Variants in OR6N2 observed in about 807,000 individuals in gnomAD.
The protein encoded by OR6N2 is olfactory receptor family 6 subfamily N member 2, also known as olfactory receptor 6N2.
For synonymous variants in OR6N2, 160 were observed against 138.3 expected (o/e 1.16, Z -1.10); for missense variants, 399 against 379.7 (o/e 1.05, Z -0.42).
rs1657623942 is a variant in OR6N2, at chr1:158,777,252, C to T, written c.384G>A (p.Arg128=). Residue 128 remains arginine, a synonymous_variant, in exon 2 of 2, where the codon CGG becomes CGA. Coordinates refer to ENST00000641131, the MANE Select transcript of OR6N2 (RefSeq NM_001005278.2). ...MAYDRYLAIC[R]PLHYPIIMTT... ...TCATAATTATAGGGTAGTGGAGGGG[C>T]CGACAAATGGCCAGGTATCTATCAT... The T allele has an allele frequency of 1.2e-6, 2 of 1,613,898 alleles. No individual in the cohort carries two copies. Among genetic ancestry groups the T allele is most frequent in the African/African-American group, 1.3e-5 (1 of 74,884 alleles).
At position 158,774,523 on chromosome 1, in the gene OR6N2, A is replaced by C. The variant is rs538935497; in HGVS notation, c.*2159T>G. On this transcript the variant is annotated 3_prime_UTR_variant, in exon 2 of 2. Transcript: ENST00000641131. ...ACATTGTACCACAGCGGAGGGACCC[A>C]AAAAGCACTAGTCTTTGGAAAACAG... The C allele has an allele frequency of 3.3e-5, 5 of 152,356 alleles. No homozygotes were observed. Among genetic ancestry groups the C allele is most frequent in the African/African-American group, 1.2e-4 (5 of 41,570 alleles). The allele number at this position is 152,356 out of a possible 1,614,324, so 9.4% of individuals were successfully genotyped here.
intron 1 of OR6N2, among the ~76,000 whole-genome samples, chr1:158,777,918 A>G (rs974581918): frequency 2.6e-5 from 4 of 152,216 alleles, no homozygotes; most frequent in Non-Finnish European, 4.4e-5. Flanking sequence ...TGCAAATAAG[A>G]AAACTTGGGA....
Position 158,775,887 on chromosome 1 carries a change from T to C in OR6N2, c.*795A>G, listed in dbSNP as rs1657580238. 6.6e-6 allele frequency: 1 copy of C among 152,150 alleles called. No individual in the cohort carries two copies. The highest frequency in any genetic ancestry group is 2.4e-5 in the African/African-American group (1 of 41,434). 9.4% of individuals were successfully genotyped at this position (152,150 alleles called of 1,614,324 possible). A position where few individuals can be genotyped will look rare whatever the true frequency, so the allele number is the denominator to read the frequency against. On this transcript the variant is annotated 3_prime_UTR_variant, in exon 2 of 2. Coordinates refer to ENST00000641131, the MANE Select transcript of OR6N2 (RefSeq NM_001005278.2). ...ATGGTTAGAAATTTTAAGAAATCAA[T>C]TTTGACATGTTAAGTTTTAAATTAT...
chr1:158,779,033 G>A (rs202162996), intron 1 of OR6N2, among the ~76,000 whole-genome samples: 5,723 of 79,702 alleles, frequency 0.072, 351 homozygotes, highest in East Asian at 0.2. Flanking sequence ...AAAAAAAAAA[G>A]AATGCAGATT....
chr1:158,777,267 G>GT lies in OR6N2; in HGVS notation c.368dup (p.Tyr123Ter). 4 of 1,614,044 alleles carry GT rather than the reference G, an allele frequency of 2.5e-6. No individual in the cohort carries two copies. Among genetic ancestry groups the GT allele is most frequent in the Non-Finnish European group, 3.4e-6 (4 of 1,179,940 alleles). Residue 123 changes from tyrosine (Y) to a stop codon, truncating the protein, a stop_gained and frameshift_variant, in exon 2 of 2, where the codon TAC becomes TAAC. Transcript: ENST00000641131. LOFTEE classifies it low-confidence loss of function (END_TRUNC). Reference sequence around the variant, plus strand: ...AGTGGAGGGGCCGACAAATGGCCAGGTATCTATCATAGGCCATGGCTGTAA... The same window carrying GT: ...AGTGGAGGGGCCGACAAATGGCCAGGTTATCTATCATAGGCCATGGCTGTAA... ...YLLTAMAYDR[Y>*]LAICRPLHYP... is the part of the protein sequence containing the mutation.
At position 158,776,630 on chromosome 1, in the gene OR6N2, A is replaced by C; in HGVS notation, c.*52T>G. The C allele has an allele frequency of 1.9e-6, 2 of 1,074,890 alleles. No individual in the cohort carries two copies. Among genetic ancestry groups the C allele is most frequent in the Non-Finnish European group, 2.7e-6 (2 of 731,788 alleles). The allele number at this position is 1,074,890 out of a possible 1,614,324, so 66.6% of individuals were successfully genotyped here. On this transcript the variant is annotated 3_prime_UTR_variant, in exon 2 of 2. Transcript: ENST00000641131. ...ATGTGTGATGATGGGAAGATTACTC[A>C]AGGAACTTTTATGAATTGAACATTG...
Position 158,774,267 on chromosome 1 carries a change from T to A in OR6N2, c.*2415A>T, listed in dbSNP as rs2102012476. On this transcript the variant is annotated 3_prime_UTR_variant, in exon 2 of 2. Coordinates refer to ENST00000641131, the MANE Select transcript of OR6N2 (RefSeq NM_001005278.2). Reference sequence around the variant, plus strand: ...TTTACAAAAATATATGATAAAATAGTGCGGATGACAGCAGGGAGGATTTGG... The same window carrying A: ...TTTACAAAAATATATGATAAAATAGAGCGGATGACAGCAGGGAGGATTTGG... 6.6e-6 allele frequency: 1 copy of A among 152,352 alleles called. No individual in the cohort carries two copies. The highest frequency in any genetic ancestry group is 1.5e-5 in the Non-Finnish European group (1 of 68,036). 9.4% of individuals were successfully genotyped at this position (152,352 alleles called of 1,614,324 possible).
rs1657521936 is a variant in OR6N2, at chr1:158,774,241, T to C, written c.*2441A>G. 1 of 152,224 alleles carries C rather than the reference T, an allele frequency of 6.6e-6. No individual in the cohort carries two copies. The highest frequency in any genetic ancestry group is 2.1e-4 in the South Asian group (1 of 4,832). 9.4% of individuals were successfully genotyped at this position (152,224 alleles called of 1,614,324 possible). On this transcript the variant is annotated 3_prime_UTR_variant, in exon 2 of 2. Coordinates refer to ENST00000641131, the MANE Select transcript of OR6N2 (RefSeq NM_001005278.2). ...ATAGTAGCAATGTACTGTGTGTTTA[T>C]TTTACAAAAATATATGATAAAATAG...
intron 1 of OR6N2, 84 bp downstream of exon 1, chr1:158,781,086 G>A (rs1657741535): frequency 6.6e-6 from 1 of 152,160 alleles, no homozygotes. Context: ...TTTCAAAGTA[G>A]TATCTATTTT....
rs1657623642 is a variant in OR6N2, at chr1:158,777,236, T to C, written c.400A>G (p.Ile134Val). The C allele has an allele frequency of 9.3e-6, 15 of 1,613,904 alleles. No homozygotes were observed. Among genetic ancestry groups the C allele is most frequent in the Non-Finnish European group, 1.3e-5 (15 of 1,180,030 alleles). The change falls in exon 2 of 2, where the codon ATA (isoleucine) becomes GTA (valine). Residue 134 changes from isoleucine (I) to valine (V), a missense_variant. Physicochemically the swap from Ile to Val is conservative, Grantham distance 29. Transcript: ENST00000641131. ...LAICRPLHYP[I>V]IMTTTLCAKM... ...GCACAGAGTGTGGTGGTCATAATTATAGGGTAGTGGAGGGGCCGACAAATG... is the reference window on the plus strand; with the variant it reads ...GCACAGAGTGTGGTGGTCATAATTACAGGGTAGTGGAGGGGCCGACAAATG...
At chr1:158,777,776 C>T (rs1657647975) in intron 1 of OR6N2, 135 bp from the exon 2 acceptor site, 1 of 599,524 alleles carries the variant, frequency 1.7e-6, no homozygotes, top group African/African-American at 1.9e-5. Context: ...ACTACTATTA[C>T]TATTACTGTA....
chr1:158,777,877 A>T (rs567079339), intron 1 of OR6N2, among the ~76,000 whole-genome samples: 2 of 152,320 alleles, frequency 1.3e-5, no homozygotes, highest in African/African-American at 2.4e-5. Context: ...TTTATACTTC[A>T]ATGAGATAAG....
At position 158,777,200 on chromosome 1, in the gene OR6N2, C is replaced by T. The variant is rs1043011415; in HGVS notation, c.436G>A (p.Ala146Thr). The stretch of plus-strand genomic sequence containing the variant: ...AGGAAGCCACAAGTCCAACAAGCAG[C>T]AGCCATCTTGGCACAGAGTGTGGTG... ...MTTTLCAKMA[A>T]ACWTCGFLCP... The change falls in exon 2 of 2, where the codon GCT becomes ACT. Residue 146 changes from alanine to threonine, a missense_variant. Transcript: ENST00000641131. 1 of 1,613,970 alleles carries T rather than the reference C, an allele frequency of 6.2e-7. No individual in the cohort carries two copies. Among genetic ancestry groups the T allele is most frequent in the African/African-American group, 1.3e-5 (1 of 74,888 alleles).
At chr1:158,779,896 C>T (rs1314609095) in intron 1 of OR6N2, among the ~76,000 whole-genome samples, 7 of 152,144 alleles carry the variant, frequency 4.6e-5, no homozygotes, top group Admixed American at 4.6e-4. Flanking sequence ...AGTCTGTCTT[C>T]CCCAAAAATT....
Position 158,776,697 on chromosome 1 carries a change from A to G in OR6N2, c.939T>C (p.Ser313=), listed in dbSNP as rs1017111678. The G allele has an allele frequency of 7.5e-6, 12 of 1,602,526 alleles. No homozygotes were observed. In the African/African-American group the frequency reaches 1.2e-4, roughly 16 times the overall value. ...RTIFQKGDKA[S]LAHL ...GGGAAGAAAGTCAAAGATGAGCAAG[A>G]CTAGCTTTATCTCCCTTCTGGAAGA... The change falls in exon 2 of 2, where the codon AGT becomes AGC. Residue 313 remains serine (S), a synonymous_variant. Coordinates refer to ENST00000641131, the MANE Select transcript of OR6N2 (RefSeq NM_001005278.2).
At position 158,777,480 on chromosome 1, in the gene OR6N2, A is replaced by T. The variant is rs760607458; in HGVS notation, c.156T>A (p.Asp52Glu). 2.5e-6 allele frequency: 4 copies of T among 1,614,118 alleles called. No individual in the cohort carries two copies. The South Asian group carries it at 4.4e-5, about 18-fold the overall frequency. ...NMLIFSVIRL[D>E]AALHTPMYHF... ...GGTACATAGGTGTGTGCAGAGCTGC[A>T]TCCAGTCGGATGACTGAGAAGATGA... The change falls in exon 2 of 2, where the codon GAT becomes GAA. Residue 52 changes from aspartate (D) to glutamate (E), a missense_variant. Coordinates refer to ENST00000641131, the MANE Select transcript of OR6N2 (RefSeq NM_001005278.2).
rs1476402563 is a variant in OR6N2 at position 158,775,605 on chromosome 1, G to A, written c.*1077C>T. 6.6e-6 allele frequency: 1 copy of A among 152,106 alleles called. No individual in the cohort carries two copies. The highest frequency in any genetic ancestry group is 1.5e-5 in the Non-Finnish European group (1 of 68,018). The allele number at this position is 152,106 out of a possible 1,614,324, so 9.4% of individuals were successfully genotyped here. A position where few individuals can be genotyped will look rare whatever the true frequency, so the allele number is the denominator to read the frequency against. On this transcript the variant is annotated 3_prime_UTR_variant, in exon 2 of 2. Transcript: ENST00000641131. ...TATATTTTATGTGGAAAATATATTA[G>A]AATAGAATGAGAGTAGGAGAAAGGA...
At position 158,776,947 on chromosome 1, in the gene OR6N2, G is replaced by GT; in HGVS notation, c.688dup (p.Thr230AsnfsTer42). Reference sequence around the variant, plus strand: ...AAAGGCCTTCTTTCTTCCTGATGCTGTTTTTATCTTCAGCACAGCCCCAAT... The same window carrying GT: ...AAAGGCCTTCTTTCTTCCTGATGCTGTTTTTTATCTTCAGCACAGCCCCAAT... On this transcript the variant is annotated frameshift_variant, in exon 2 of 2. Transcript: ENST00000641131. LOFTEE classifies it low-confidence loss of function (END_TRUNC). 1 of 1,614,082 alleles carries GT rather than the reference G, an allele frequency of 6.2e-7. No individual in the cohort carries two copies.
chr1:158,778,697 G>C (rs1657669942), intron 1 of OR6N2, among the ~76,000 whole-genome samples: 1 of 152,114 alleles, frequency 6.6e-6, no homozygotes, highest in African/African-American at 2.4e-5. Flanking sequence ...AGATGGGTTA[G>C]GGTGGTTAGC....
Sources: gnomAD v4.1 joint callset for allele counts (sites outside exome capture counted in the v4.1 genomes callset) on GRCh38, gnomAD v4.1.1 for gene constraint, MANE v1.5 for transcripts, NCBI Gene and HGNC (gene_info 2026-07-23, HGNC 2026-07-21) for gene names.